XRN1: variants seen among roughly 807,000 people sequenced by gnomAD.
XRN1 encodes 5'-3' exoribonuclease 1.
In XRN1, 67 loss-of-function variants were observed where a neutral mutation model predicts 222.3. That is an observed-to-expected ratio of 0.30 (90% confidence interval 0.25 to 0.37). The LOEUF (loss-of-function observed/expected upper bound fraction) is 0.37. XRN1 is among the 10% of genes least tolerant of loss of function. XRN1 has a pLI of 1.00. For synonymous variants in XRN1, 643 were observed against 652.4 expected (o/e 0.99, Z 0.22); for missense variants, 1,707 against 2,000.2 (o/e 0.85, Z 2.80).
chr3:142,430,953 A>G (rs1469058699), intron 2 of XRN1, among the ~76,000 whole-genome samples: 1 of 152,126 alleles, frequency 6.6e-6, no homozygotes, highest in African/African-American at 2.4e-5. Context: ...TGAATTTCCT[A>G]ACTTAGCTCA....
chr3:142,319,928 A>ACACACG (rs1553851173), intron 37 of XRN1, among the ~76,000 whole-genome samples: 2 of 151,966 alleles, frequency 1.3e-5, no homozygotes, highest in African/African-American at 2.4e-5. Flanking sequence ...ACACACACAC[A>ACACACG]CACGCACGCA....
intron 20 of XRN1, among the ~76,000 whole-genome samples, chr3:142,385,010 A>G (rs2067440687): frequency 6.6e-6 from 1 of 152,230 alleles, no homozygotes; most frequent in African/African-American, 2.4e-5. Context: ...AAACTGGAAC[A>G]TCTGTACATT....
In XRN1 at chr3:142,314,208, C is replaced by T. The variant is rs1333912709; in HGVS notation, c.4622-1450G>A. On this transcript the variant is annotated intron_variant, in intron 39 of 40. Coordinates refer to ENST00000392981, the MANE Select transcript of XRN1 (RefSeq NM_001282857.2). ...AAGTTGTTCTCTGCTGATTAACCTC[C>T]AAATATCTTGGCATTTATGTATTTA... is the stretch of plus-strand genomic sequence containing the variant. 2.6e-5 allele frequency among the ~76,000 whole-genome samples: 4 copies of T among 152,046 alleles called. No homozygotes were observed. In the East Asian group the frequency reaches 7.7e-4, roughly 29 times the overall value.
chr3:142,403,747 T>C lies in XRN1; in HGVS notation c.2030A>G (p.Gln677Arg). 6.2e-7 allele frequency: 1 copy of C among 1,613,174 alleles called. No homozygotes were observed. Among genetic ancestry groups the C allele is most frequent in the Non-Finnish European group, 8.5e-7 (1 of 1,179,550 alleles). Reference protein sequence around the residue: ...HKFFLKKSGVQVFQQSSRGEN... With the variant: ...HKFFLKKSGVRVFQQSSRGEN... ...TCCACGACTGCTTTGCTGGAATACTTGAACACCACTTTTCTTCAAAAAAAA... is the reference window on the plus strand; with the variant it reads ...TCCACGACTGCTTTGCTGGAATACTCGAACACCACTTTTCTTCAAAAAAAA... The change falls in exon 18 of 41, where the codon CAA becomes CGA. Residue 677 changes from glutamine to arginine, a missense_variant. Coordinates refer to ENST00000392981, the MANE Select transcript of XRN1 (RefSeq NM_001282857.2).
chr3:142,377,520 C>T (rs1245715064), intron 23 of XRN1, among the ~76,000 whole-genome samples: 1 of 152,166 alleles, frequency 6.6e-6, no homozygotes, highest in Admixed American at 6.5e-5. Context: ...GGGCTACTAG[C>T]ACTTAATGCC....
chr3:142,395,201 A>G (rs2067882301), intron 20 of XRN1, among the ~76,000 whole-genome samples: 1 of 152,196 alleles, frequency 6.6e-6, no homozygotes, highest in Non-Finnish European at 1.5e-5. Flanking sequence ...TTCACCTTGG[A>G]AGACAGAAGA....
Position 142,447,959 on chromosome 3 carries a change from C to G in XRN1, c.-15G>C, listed in dbSNP as rs970886914. On this transcript the variant is annotated 5_prime_UTR_variant, in exon 1 of 41. Coordinates refer to ENST00000392981, the MANE Select transcript of XRN1 (RefSeq NM_001282857.2). This position sits in a 1 kb window ranked among gnomAD's most constrained non-coding sequence, Gnocchi z 4.2. ...GGGACTCCCATTTCGATCGTCAACA[C>G]TAATCCCAGTCAGGGCCAAACCGAA... 2 of 1,613,382 alleles carry G rather than the reference C, an allele frequency of 1.2e-6. No homozygotes were observed. The highest frequency in any genetic ancestry group is 4.5e-5 in the East Asian group (2 of 44,772).
chr3:142,421,022 CT>C lies in XRN1; in HGVS notation c.1166del (p.Lys389SerfsTer2), dbSNP rs1338815675. The C allele has an allele frequency of 6.2e-7, 1 of 1,613,926 alleles. No homozygotes were observed. Among genetic ancestry groups the C allele is most frequent in the Non-Finnish European group, 8.5e-7 (1 of 1,179,952 alleles). ...CACCTAAAAAAATAGACACCTTTAA[CT>C]TTTTCTTTTCCTTGTAGTTCCTGGC... ...EEARNYKEKK[K>X]LKGQENSLCW... On this transcript the variant is annotated frameshift_variant, in exon 10 of 41. Coordinates refer to ENST00000392981, the MANE Select transcript of XRN1 (RefSeq NM_001282857.2). LOFTEE classifies it high-confidence loss of function.
chr3:142,332,519 G>C lies in XRN1; in HGVS notation c.4078C>G (p.Leu1360Val). ...CCATCAATTTTTAGAATTTCTTTAA[G>C]CATCCGTGTTCCCTTCTTTTTGAAA... ...QSFAMKGTRM[L>V]KEILKIDGSN... Residue 1360 changes from leucine to valine, a missense_variant, in exon 36 of 41, where the codon CTT (leucine) becomes GTT (valine). Leu to Val is a conservative substitution (Grantham distance 32). Transcript: ENST00000392981. 1 of 1,610,628 alleles carries C rather than the reference G, an allele frequency of 6.2e-7. No homozygotes were observed. The highest frequency in any genetic ancestry group is 1.1e-5 in the South Asian group (1 of 90,382).
At chr3:142,419,633 A>AC (rs2068925198) in intron 10 of XRN1, among the ~76,000 whole-genome samples, 1 of 151,984 alleles carries the variant, frequency 6.6e-6, no homozygotes, top group South Asian at 2.1e-4. Context: ...ACATAGTGAA[A>AC]CCCCGTCTCT....
rs760920017 is a variant in XRN1, at chr3:142,347,352, A to T, written c.3769-10T>A. The T allele has an allele frequency of 2.6e-6, 4 of 1,519,462 alleles. No homozygotes were observed. The highest frequency in any genetic ancestry group is 3.5e-6 in the Non-Finnish European group (4 of 1,129,110). The allele number at this position is 1,519,462 out of a possible 1,614,324, so 94.1% of individuals were successfully genotyped here. On this transcript the variant is annotated splice_polypyrimidine_tract_variant and intron_variant, in intron 32 of 40. Transcript: ENST00000392981. ...GAGGTAGAACTGCACCCTGAAAATT[A>T]AAATTCTTATAAATTAAACAAAATC...
At chr3:142,444,175 G>A (rs886855223) in intron 1 of XRN1, among the ~76,000 whole-genome samples, 2 of 152,148 alleles carry the variant, frequency 1.3e-5, no homozygotes, top group South Asian at 4.1e-4. Context: ...CTGGGCACGG[G>A]GGCTCACGCC....
chr3:142,430,590 T>C (rs1052876324), intron 2 of XRN1, among the ~76,000 whole-genome samples: 4 of 152,328 alleles, frequency 2.6e-5, no homozygotes, highest in Admixed American at 1.3e-4. Context: ...TTGAAATCAG[T>C]ACTTTTTGCC....
chr3:142,366,911 A>G (rs1370075461), intron 27 of XRN1, among the ~76,000 whole-genome samples: 1 of 152,242 alleles, frequency 6.6e-6, no homozygotes, highest in East Asian at 1.9e-4. Context: ...GGTAATGTTC[A>G]TAATAGGCCC....
chr3:142,443,217 G>C (rs2070323434), intron 1 of XRN1, among the ~76,000 whole-genome samples: 1 of 152,142 alleles, frequency 6.6e-6, no homozygotes, highest in African/African-American at 2.4e-5. Flanking sequence ...CCCTCCCGAG[G>C]AAATCTCAAC....
chr3:142,408,299 T>A (rs186127568), intron 15 of XRN1, among the ~76,000 whole-genome samples: 1 of 152,202 alleles, frequency 6.6e-6, no homozygotes, highest in African/African-American at 2.4e-5. Flanking sequence ...GAACCTGCCA[T>A]TGGCGCATCT....
chr3:142,395,221 G>A (rs1271941014), intron 20 of XRN1, among the ~76,000 whole-genome samples: 1 of 152,186 alleles, frequency 6.6e-6, no homozygotes, highest in African/African-American at 2.4e-5. Context: ...AGCTAGGGAG[G>A]CATGAAAGGA....
intron 13 of XRN1, among the ~76,000 whole-genome samples, chr3:142,414,548 T>G (rs1223132319): frequency 6.6e-6 from 1 of 151,418 alleles, no homozygotes; most frequent in African/African-American, 2.4e-5. Flanking sequence ...CAGGCTGGAG[T>G]GCAGTGGCGC....
At chr3:142,425,191 A>G (rs763792295) in intron 5 of XRN1, 31 bp downstream of exon 5, 26 of 1,444,870 alleles carry the variant, frequency 1.8e-5, no homozygotes, top group Admixed American at 1.4e-4. Flanking sequence ...CTATCAATGC[A>G]TAAGTTTATA....
Sources: gnomAD v4.1 joint callset for allele counts (sites outside exome capture counted in the v4.1 genomes callset) on GRCh38, gnomAD v4.1.1 for gene constraint, Gnocchi (gnomAD v3.1) non-coding constraint, MANE v1.5 for transcripts, NCBI Gene and HGNC (gene_info 2026-07-23, HGNC 2026-07-21) for gene names.